Variants in THSD7A observed in about 807,000 individuals in gnomAD.
THSD7A encodes the protein thrombospondin type 1 domain containing 7A.
Under a neutral mutation model 231.3 loss-of-function variants are expected in THSD7A, and 96 were observed. That is an observed-to-expected ratio of 0.41 (90% CI 0.35 to 0.49). The LOEUF is 0.49. THSD7A is among the 20% of genes least tolerant of loss of function. The pLI is 0.05. For synonymous variants in THSD7A, 940 were observed against 743.3 expected, an observed-to-expected ratio of 1.26 and a Z score of -4.30; for missense variants, 2,290 against 2,070.2, an observed-to-expected ratio of 1.11 and a Z score of -2.06.
intron 6 of THSD7A, among the ~76,000 whole-genome samples, chr7:11,504,582 T>C (rs140340684): frequency 7.3e-4 from 111 of 152,290 alleles, no homozygotes; most frequent in African/African-American, 2.5e-3. Flanking sequence ...AAGTGGGGTT[T>C]TCCCTGGAGC....
chr7:11,584,705 T>G (rs1455035126), intron 4 of THSD7A, among the ~76,000 whole-genome samples: 1 of 152,202 alleles, frequency 6.6e-6, no homozygotes, highest in Non-Finnish European at 1.5e-5. Flanking sequence ...AAGTATATAC[T>G]ATATTTAGAA....
intron 1 of THSD7A, among the ~76,000 whole-genome samples, chr7:11,704,741 C>A (rs1237954861): frequency 6.6e-6 from 1 of 150,996 alleles, no homozygotes; most frequent in African/African-American, 2.4e-5. Context: ...CAAAACTGCC[C>A]ATAGCTTACA....
intron 6 of THSD7A, among the ~76,000 whole-genome samples, chr7:11,483,994 G>A (rs1786540839): frequency 6.6e-6 from 1 of 151,966 alleles, no homozygotes; most frequent in African/African-American, 2.4e-5. Flanking sequence ...TCTAAGTTAT[G>A]CTTTTTTCCG....
intron 1 of THSD7A, among the ~76,000 whole-genome samples, chr7:11,698,361 C>T (rs1780466381): frequency 1.3e-5 from 2 of 151,094 alleles, no homozygotes; most frequent in Admixed American, 6.6e-5. Context: ...CATGAGTTGG[C>T]AAATACAATA....
At chr7:11,508,545 A>G (rs1583872398) in intron 6 of THSD7A, among the ~76,000 whole-genome samples, 1 of 152,366 alleles carries the variant, frequency 6.6e-6, no homozygotes, top group African/African-American at 2.4e-5. Context: ...GCGGTTCACC[A>G]GAAAATTAAA....
intron 1 of THSD7A, among the ~76,000 whole-genome samples, chr7:11,660,209 T>C (rs1252048155): frequency 6.6e-6 from 1 of 151,550 alleles, no homozygotes; most frequent in Non-Finnish European, 1.5e-5. Context: ...TGTCAAGTAC[T>C]GTGCTAAGCA....
At chr7:11,597,044 A>G (rs2128343014) in intron 2 of THSD7A, among the ~76,000 whole-genome samples, 1 of 152,344 alleles carries the variant, frequency 6.6e-6, no homozygotes. Flanking sequence ...AAAGTATCAC[A>G]CTGGTCCATT....
intron 8 of THSD7A, 31 bp from the exon 9 acceptor site, chr7:11,470,025 C>A: frequency 7.1e-7 from 1 of 1,402,132 alleles, no homozygotes; most frequent in African/African-American, 1.4e-5. Context: ...TATTAGGCTT[C>A]AATAGTAAAG....
intron 1 of THSD7A, among the ~76,000 whole-genome samples, chr7:11,673,947 T>C (rs185473552): frequency 1.9e-3 from 285 of 152,130 alleles, no homozygotes; most frequent in Non-Finnish European, 2.2e-3. Flanking sequence ...GTCATACTGG[T>C]TGCGTACACG....
At chr7:11,578,074 A>T (rs1375533739) in intron 4 of THSD7A, among the ~76,000 whole-genome samples, 2 of 152,212 alleles carry the variant, frequency 1.3e-5, no homozygotes, top group African/African-American at 4.8e-5. Flanking sequence ...CACATACTGT[A>T]AAGAGACAGT....
At chr7:11,684,560 C>T (rs914731198) in intron 1 of THSD7A, among the ~76,000 whole-genome samples, 15 of 151,732 alleles carry the variant, frequency 9.9e-5, no homozygotes, top group African/African-American at 3.1e-4. Flanking sequence ...AATCAATGTA[C>T]AAAATTAGTA....
chr7:11,493,113 A>C (rs1188366929), intron 6 of THSD7A, among the ~76,000 whole-genome samples: 1 of 152,056 alleles, frequency 6.6e-6, no homozygotes, highest in Non-Finnish European at 1.5e-5. Flanking sequence ...ATTTGTAAGA[A>C]TTTGTAATAA....
At chr7:11,546,775 C>T (rs1446849172) in intron 4 of THSD7A, among the ~76,000 whole-genome samples, 1 of 152,066 alleles carries the variant, frequency 6.6e-6, no homozygotes, top group Non-Finnish European at 1.5e-5. Flanking sequence ...ATGAAGATCA[C>T]TGAGATTCAG....
chr7:11,530,866 C>T lies in THSD7A; in HGVS notation c.1822+10553G>A, dbSNP rs1318771407. On this transcript the variant is annotated intron_variant, in intron 6 of 27. Transcript: ENST00000423059. ...TCTCTACTAAAAATACAAAAATTAGCCATGCATGGTCGCGGGTGTCTGTAA... is the reference window on the plus strand; with the variant it reads ...TCTCTACTAAAAATACAAAAATTAGTCATGCATGGTCGCGGGTGTCTGTAA... 2.0e-5 allele frequency among the ~76,000 whole-genome samples: 3 copies of T among 152,026 alleles called. No individual in the cohort carries two copies. The East Asian group carries it at 5.8e-4, about 29-fold the overall frequency.
chr7:11,566,315 G>A (rs551940198), intron 4 of THSD7A, among the ~76,000 whole-genome samples: 4 of 152,346 alleles, frequency 2.6e-5, no homozygotes, highest in Non-Finnish European at 5.9e-5. Context: ...AGAGGTAGGA[G>A]AGACAGAAAG....
intron 4 of THSD7A, among the ~76,000 whole-genome samples, chr7:11,556,621 G>C (rs1751684010): frequency 6.6e-6 from 1 of 151,546 alleles, no homozygotes; most frequent in African/African-American, 2.4e-5. Context: ...TTTTTATTTA[G>C]TGAACTTTCT....
At chr7:11,710,615 A>C (rs186605983) in intron 1 of THSD7A, among the ~76,000 whole-genome samples, 51 of 151,032 alleles carry the variant, frequency 3.4e-4, no homozygotes, top group Middle Eastern at 3.4e-3. Flanking sequence ...GTTCTAATGC[A>C]GAGGGACTCT....
At chr7:11,800,258 T>A (rs1784238168) in intron 1 of THSD7A, among the ~76,000 whole-genome samples, 1 of 152,014 alleles carries the variant, frequency 6.6e-6, no homozygotes, top group Non-Finnish European at 1.5e-5. Context: ...TTTAAAAACA[T>A]CCTATTTGAG....
At chr7:11,651,716 A>G (rs2128368843) in intron 1 of THSD7A, among the ~76,000 whole-genome samples, 1 of 152,128 alleles carries the variant, frequency 6.6e-6, no homozygotes, top group Admixed American at 6.6e-5. Context: ...GCAAAAAGTA[A>G]AGGGCCAATT....
Sources: allele counts gnomAD v4.1 joint callset (sites outside exome capture counted in the v4.1 genomes callset), GRCh38; gene constraint gnomAD v4.1.1; transcripts MANE v1.5; gene names NCBI Gene and HGNC (gene_info 2026-07-23, HGNC 2026-07-21).